COL21A1: variants seen among roughly 807,000 people sequenced by gnomAD.
The protein encoded by COL21A1 is collagen type XXI alpha 1 chain.
Under a neutral mutation model 137.9 loss-of-function variants are expected in COL21A1, and 149 were observed. The observed-to-expected ratio is 1.08, with a 90% CI of 0.95 to 1.24. COL21A1 has a LOEUF of 1.24. Ranked by LOEUF, COL21A1 falls within the 50% of genes most tolerant of loss-of-function variation. The pLI is 0.00. For synonymous variants in COL21A1, 456 were observed against 391.5 expected, an observed-to-expected ratio of 1.16 and a Z score of -1.95; for missense variants, 1,167 against 1,158.4, an observed-to-expected ratio of 1.01 and a Z score of -0.11.
intron 3 of COL21A1, among the ~76,000 whole-genome samples, chr6:56,178,567 T>A (rs1230462158): frequency 1.3e-5 from 2 of 151,702 alleles, no homozygotes; most frequent in Non-Finnish European, 2.9e-5. Flanking sequence ...ACTTTGGGAG[T>A]TTTTGTAGAC....
At chr6:56,094,413 G>C (rs535908231) in intron 17 of COL21A1, among the ~76,000 whole-genome samples, 1 of 151,856 alleles carries the variant, frequency 6.6e-6, no homozygotes, top group South Asian at 2.1e-4. Flanking sequence ...TCTAAGATGA[G>C]AAAGGCTTTC....
chr6:56,205,015 C>T (rs887273333), intron 1 of COL21A1, among the ~76,000 whole-genome samples: 1 of 152,106 alleles, frequency 6.6e-6, no homozygotes, highest in Non-Finnish European at 1.5e-5. Context: ...TAGATAAATC[C>T]ACAAAGATGG....
chr6:56,391,443 G>A (rs2094029500), intron 1 of COL21A1, among the ~76,000 whole-genome samples: 1 of 151,870 alleles, frequency 6.6e-6, no homozygotes, highest in Non-Finnish European at 1.5e-5. Context: ...AAAGGTCAGA[G>A]TAGACATAAA....
chr6:56,248,721 T>C (rs531062735), upstream of COL21A1, among the ~76,000 whole-genome samples: 1 of 152,372 alleles, frequency 6.6e-6, no homozygotes, highest in African/African-American at 2.4e-5. Flanking sequence ...TAACTAAATC[T>C]CACTTAATTC....
intron 1 of COL21A1, among the ~76,000 whole-genome samples, chr6:56,364,583 T>C (rs993012843): frequency 2.0e-5 from 3 of 152,196 alleles, no homozygotes; most frequent in Non-Finnish European, 4.4e-5. Context: ...CTTTGTGCTA[T>C]GCTGCTTTTC....
At chr6:56,103,853 A>G (rs1770656528) in intron 16 of COL21A1, among the ~76,000 whole-genome samples, 1 of 152,188 alleles carries the variant, frequency 6.6e-6, no homozygotes, top group South Asian at 2.1e-4. Context: ...CTGATATGGT[A>G]GGTCTGGGGC....
chr6:56,344,786 A>T (rs764010217), intron 1 of COL21A1, among the ~76,000 whole-genome samples: 4 of 151,992 alleles, frequency 2.6e-5, no homozygotes, highest in Non-Finnish European at 5.9e-5. Context: ...AAAAGTGTGT[A>T]GCACCTCCCC....
intron 1 of COL21A1, among the ~76,000 whole-genome samples, chr6:56,325,103 A>AC (rs1330033823): frequency 6.7e-6 from 1 of 148,684 alleles, no homozygotes; most frequent in African/African-American, 2.5e-5. Context: ...ACTCAGGTTC[A>AC]CCTGTTTCTC....
intron 22 of COL21A1, among the ~76,000 whole-genome samples, chr6:56,067,951 CCTTT>C (rs1324222769): frequency 6.6e-6 from 1 of 151,630 alleles, no homozygotes; most frequent in Non-Finnish European, 1.5e-5. Flanking sequence ...TTCCAAATTT[CCTTT>C]CTATTAATAC....
At chr6:56,067,726 A>G (rs1766390228) in intron 22 of COL21A1, among the ~76,000 whole-genome samples, 1 of 151,758 alleles carries the variant, frequency 6.6e-6, no homozygotes, top group Non-Finnish European at 1.5e-5. Context: ...TTTATAGGAA[A>G]CAATGATAAA....
At chr6:56,203,767 C>T (rs539444903) in intron 1 of COL21A1, among the ~76,000 whole-genome samples, 164 of 152,304 alleles carry the variant, frequency 1.1e-3, no homozygotes, top group African/African-American at 3.8e-3. Context: ...CTGAGGTACC[C>T]AGTTCATCTC....
rs369640494 is a variant in COL21A1, at chr6:56,097,306, A to T, written c.1812+4166T>A. ...CAGTTTTTTACCCACTAGATTTAGG[A>T]GAAAAAATTCATCTCAATAACGTCT... On this transcript the variant is annotated intron_variant, in intron 17 of 29. Transcript: ENST00000244728. Among the ~76,000 whole-genome samples, 191 of 152,222 alleles carry T rather than the reference A, an allele frequency of 1.3e-3. 4 individuals are homozygous for T. Among genetic ancestry groups the T allele is most frequent in the African/African-American group, 4.3e-3 (179 of 41,544 alleles).
At chr6:56,181,088 A>G (rs1777856342) in intron 2 of COL21A1, among the ~76,000 whole-genome samples, 1 of 152,252 alleles carries the variant, frequency 6.6e-6, no homozygotes, top group Admixed American at 6.5e-5. Flanking sequence ...ATAGCAGTCA[A>G]GAAGTTCCAA....
At chr6:56,263,149 A>G (rs1763319358) in intron 1 of COL21A1, among the ~76,000 whole-genome samples, 1 of 152,228 alleles carries the variant, frequency 6.6e-6, no homozygotes, top group Non-Finnish European at 1.5e-5. Flanking sequence ...ACCTATCACA[A>G]ATACAGAGTC....
chr6:56,377,125 G>C (rs952757008), intron 1 of COL21A1, among the ~76,000 whole-genome samples: 1 of 151,692 alleles, frequency 6.6e-6, no homozygotes, highest in Non-Finnish European at 1.5e-5. Context: ...CTACAGGCAT[G>C]TGCCACCATG....
At chr6:56,242,733 G>GA (rs2152325824) in intron 1 of COL21A1, among the ~76,000 whole-genome samples, 1 of 152,242 alleles carries the variant, frequency 6.6e-6, no homozygotes, top group African/African-American at 2.4e-5. Flanking sequence ...TGACAAAGGT[G>GA]AAAAAATTAT....
Position 56,168,262 on chromosome 6 carries a change from G to A in COL21A1, c.1062C>T (p.Leu354=), listed in dbSNP as rs944896690. 6.4e-7 allele frequency: 1 copy of A among 1,555,636 alleles called. No homozygotes were observed. Among genetic ancestry groups the A allele is most frequent in the Admixed American group, 1.8e-5 (1 of 55,606 alleles). ...LFDEGWHQIR[L]LVTEQDVTLY... is the part of the protein sequence containing the mutation. ...AAGTCACATCTTGTTCTGTTACTAA[G>A]AGACGAATTTGGTGCCAGCCTTCAT... is the stretch of plus-strand genomic sequence containing the variant. The change falls in exon 6 of 30, where the codon CTC becomes CTT. Residue 354 remains leucine (L), a synonymous_variant. Transcript: ENST00000244728.
At chr6:56,272,758 G>A (rs1281543070) in intron 1 of COL21A1, among the ~76,000 whole-genome samples, 1 of 152,020 alleles carries the variant, frequency 6.6e-6, no homozygotes, top group African/African-American at 2.4e-5. Context: ...AAAAGTGGCA[G>A]TTTCCCCTGA....
intron 1 of COL21A1, among the ~76,000 whole-genome samples, chr6:56,291,843 A>G (rs1764053646): frequency 6.6e-6 from 1 of 152,198 alleles, no homozygotes; most frequent in Admixed American, 6.5e-5. Flanking sequence ...TGAAGATACA[A>G]ACCACTACTT....
Sources: allele counts gnomAD v4.1 joint callset (sites outside exome capture counted in the v4.1 genomes callset), GRCh38; gene constraint gnomAD v4.1.1; transcripts MANE v1.5; gene names NCBI Gene and HGNC (gene_info 2026-07-23, HGNC 2026-07-21).